The following PBX1 variants were observed in gnomAD, a reference collection of about 807,000 sequenced individuals.
The protein encoded by PBX1 is pre-B-cell leukemia transcription factor 1.
A neutral mutation model predicts 53.4 loss-of-function variants in PBX1; 6 were observed. That is an observed-to-expected ratio of 0.11 (90% CI 0.06 to 0.22). The LOEUF is 0.22. Among genes scored for constraint, PBX1 ranks in the 10% least tolerant of loss-of-function variants. The probability of loss-of-function intolerance (pLI) is 1.00; values close to 1 mark genes in which losing one functional copy is unlikely to be tolerated. For synonymous variants in PBX1, 204 were observed against 212.3 expected (o/e 0.96, Z 0.34); for missense variants, 251 against 551.4 (o/e 0.46, Z 5.46).
intron 2 of PBX1, among the ~76,000 whole-genome samples, chr1:164,610,854 G>A (rs187410428): frequency 2.0e-5 from 3 of 152,354 alleles, no homozygotes; most frequent in African/African-American, 7.2e-5. Context: ...AGAATGAAAG[G>A]AGAAAATCAA....
chr1:164,806,198 T>C (rs1400568435), intron 4 of PBX1, among the ~76,000 whole-genome samples: 2 of 152,192 alleles, frequency 1.3e-5, no homozygotes, highest in East Asian at 3.9e-4. Flanking sequence ...TGCAACTCCC[T>C]CAACTATCCA....
intron 2 of PBX1, among the ~76,000 whole-genome samples, chr1:164,577,814 T>C (rs1232818653): frequency 6.6e-6 from 1 of 152,212 alleles, no homozygotes; most frequent in African/African-American, 2.4e-5. Context: ...ATCCACCAGC[T>C]GGAGAATCAA....
intron 2 of PBX1, among the ~76,000 whole-genome samples, chr1:164,780,521 G>A (rs1423456454): frequency 2.0e-5 from 3 of 152,152 alleles, no homozygotes; most frequent in Non-Finnish European, 4.4e-5. Flanking sequence ...GTAAATTTCA[G>A]CCCCTTAGAC....
intron 2 of PBX1, among the ~76,000 whole-genome samples, chr1:164,676,354 A>G (rs2635030): frequency 0.83 from 125,710 of 151,846 alleles, 52,210 homozygotes; most frequent in Non-Finnish European, 0.86. Flanking sequence ...ACTCCTCAAG[A>G]TAGTAGGAGA....
chr1:164,758,836 G>A (rs74121214), intron 2 of PBX1, among the ~76,000 whole-genome samples: 14,092 of 151,932 alleles, frequency 0.093, 737 homozygotes, highest in South Asian at 0.15. Flanking sequence ...ACCTAGCATC[G>A]TGTCTGGCAC....
intron 2 of PBX1, among the ~76,000 whole-genome samples, chr1:164,632,715 G>C (rs1055323824): frequency 1.3e-5 from 2 of 152,084 alleles, no homozygotes; most frequent in African/African-American, 4.8e-5. Context: ...TAATACACTA[G>C]GAAGAATCAG....
intron 2 of PBX1, chr1:164,642,788 T>A (rs1484510744): frequency 1.3e-5 from 2 of 152,186 alleles, no homozygotes; most frequent in Admixed American, 6.5e-5. Flanking sequence ...ATAAGCAGTC[T>A]CTGCTCTCTG....
chr1:164,865,514 T>C (rs1194539712), intron 2 of PBX1, among the ~76,000 whole-genome samples: 1 of 152,224 alleles, frequency 6.6e-6, no homozygotes, highest in Admixed American at 6.5e-5. Context: ...CATGTTATCA[T>C]GCTTACCATG....
Position 164,799,746 on chromosome 1 carries a change from A to T in PBX1, c.558A>T (p.Gln186His), listed in dbSNP as rs556050975. ...TTHVMNLLRE[Q>H]SRTRPISPKE... ...ACGTGATGAATCTCCTGCGAGAGCA[A>T]AGCCGGACCAGGCCCATCTCCCCAA... The change falls in exon 4 of 9, where the codon CAA becomes CAT. Residue 186 changes from glutamine (Q) to histidine (H), a missense_variant. Physicochemically the swap from Gln to His is conservative, Grantham distance 24. Around this residue, in one of 4 missense-constraint regions of PBX1, gnomAD observed 76 missense variants for 197.5 expected, o/e 0.38. Transcript: ENST00000420696. 6.2e-7 allele frequency: 1 copy of T among 1,614,018 alleles called. No homozygotes were observed. Among genetic ancestry groups the T allele is most frequent in the South Asian group, 1.1e-5 (1 of 91,076 alleles).
intron 2 of PBX1, among the ~76,000 whole-genome samples, chr1:164,859,889 C>T (rs2102441087): frequency 6.6e-6 from 1 of 152,250 alleles, no homozygotes; most frequent in Admixed American, 6.5e-5. Flanking sequence ...AATGTACAAG[C>T]TTGGACAAGA....
At position 164,592,081 on chromosome 1, in the gene PBX1, TG is replaced by T. The variant is rs1655425052; in HGVS notation, c.265+28776del. Among the ~76,000 whole-genome samples, 3 of 99,484 alleles carry T rather than the reference TG, an allele frequency of 3.0e-5. No homozygotes were observed. The South Asian group carries it at 9.5e-4, about 32-fold the overall frequency. 65.3% of individuals were successfully genotyped at this position (99,484 alleles called of 152,430 possible). ...TGTGTTTCTGAGTAGTTAATGTGGC[TG>T]GGGGGAAAGGCAGATGAAGGGGATG... On this transcript the variant is annotated intron_variant, in intron 2 of 8. Coordinates refer to ENST00000420696, the MANE Select transcript of PBX1 (RefSeq NM_002585.4).
chr1:164,819,522 AATAGACCCATATC>A (rs1289971008), intron 6 of PBX1: 4 of 152,344 alleles, frequency 2.6e-5, no homozygotes, highest in African/African-American at 9.6e-5. Context: ...TAAGAATGTC[AATAGACCCATATC>A]ATAGAGCCAC....
At chr1:164,870,938 A>T (rs1360196337) in intron 2 of PBX1, among the ~76,000 whole-genome samples, 1 of 151,990 alleles carries the variant, frequency 6.6e-6, no homozygotes, top group East Asian at 1.9e-4. Context: ...GGAGTCTTAA[A>T]TCCCACCCCC....
chr1:164,580,725 C>T (rs570766192), intron 2 of PBX1, among the ~76,000 whole-genome samples: 28 of 151,816 alleles, frequency 1.8e-4, no homozygotes, highest in African/African-American at 5.6e-4. Flanking sequence ...TACAGGAGCA[C>T]GCCAACACAC....
intron 2 of PBX1, among the ~76,000 whole-genome samples, chr1:164,655,827 G>A (rs1254389760): frequency 1.3e-5 from 2 of 152,180 alleles, no homozygotes; most frequent in Non-Finnish European, 2.9e-5. Context: ...AATATGCAGT[G>A]AAACTACTAT....
chr1:164,736,368 C>T (rs546454239), intron 2 of PBX1, among the ~76,000 whole-genome samples: 6 of 152,130 alleles, frequency 3.9e-5, no homozygotes, highest in African/African-American at 1.4e-4. Flanking sequence ...TCCACCAAAG[C>T]CAGCTAATGC....
intron 2 of PBX1, among the ~76,000 whole-genome samples, chr1:164,779,294 T>C (rs1314745591): frequency 6.6e-6 from 1 of 152,128 alleles, no homozygotes. Context: ...TTATTTCTGG[T>C]CAAGTTTCCC....
intron 2 of PBX1, among the ~76,000 whole-genome samples, chr1:164,573,545 G>A (rs896286806): frequency 2.8e-5 from 4 of 144,344 alleles, no homozygotes; most frequent in Non-Finnish European, 6.0e-5. Context: ...AGGCTGGAGT[G>A]CAGTGGCGTG....
At chr1:164,816,673 A>G (rs1669894142) in intron 6 of PBX1, 1 of 152,132 alleles carries the variant, frequency 6.6e-6, no homozygotes, top group African/African-American at 2.4e-5. Flanking sequence ...TAACCATTGT[A>G]GGGCTAACCA....
Sources: allele counts gnomAD v4.1 joint callset (sites outside exome capture counted in the v4.1 genomes callset), GRCh38; gene constraint gnomAD v4.1.1; regional missense constraint gnomAD v4.1.1; transcripts MANE v1.5; gene names NCBI Gene and HGNC (gene_info 2026-07-23, HGNC 2026-07-21).